Variants in GPR158 observed in about 807,000 individuals in gnomAD.
The protein encoded by GPR158 is G protein-coupled receptor 158.
In GPR158, 30 loss-of-function variants were observed where a neutral mutation model predicts 78.2. The ratio of observed to expected loss-of-function variants is 0.38; its 90% CI spans 0.29 to 0.52. GPR158 has a LOEUF of 0.52. Ranked by LOEUF, GPR158 falls within the 20% of genes least tolerant of loss-of-function variation. The pLI is 0.83. For synonymous variants in GPR158, 581 were observed against 591.1 expected (o/e 0.98, Z 0.25); for missense variants, 1,463 against 1,523.5 (o/e 0.96, Z 0.66).
chr10:25,365,717 G>C (rs1470030351), intron 2 of GPR158, among the ~76,000 whole-genome samples: 1 of 151,586 alleles, frequency 6.6e-6, no homozygotes, highest in African/African-American at 2.4e-5. Context: ...CCTTTGGAGG[G>C]ATAGTATGGC....
intron 5 of GPR158, among the ~76,000 whole-genome samples, chr10:25,540,492 C>T (rs1265484238): frequency 2.0e-5 from 3 of 152,130 alleles, no homozygotes; most frequent in Non-Finnish European, 4.4e-5. Context: ...CACATGCATA[C>T]GTATGTTTAT....
intron 6 of GPR158, among the ~76,000 whole-genome samples, chr10:25,562,330 C>T (rs1836870800): frequency 6.6e-6 from 1 of 151,930 alleles, no homozygotes; most frequent in Non-Finnish European, 1.5e-5. Flanking sequence ...TATTTTCTCC[C>T]TTCAGCTTGT....
At chr10:25,413,886 A>C (rs2130551166) in intron 4 of GPR158, among the ~76,000 whole-genome samples, 1 of 152,280 alleles carries the variant, frequency 6.6e-6, no homozygotes, top group East Asian at 1.9e-4. Flanking sequence ...TTTAACCAAT[A>C]CTTATCTTTC....
chr10:25,444,560 G>A (rs1835114269), intron 4 of GPR158, among the ~76,000 whole-genome samples: 1 of 151,138 alleles, frequency 6.6e-6, no homozygotes, highest in Non-Finnish European at 1.5e-5. Flanking sequence ...GTGGAGGTAT[G>A]TGCATTTGTG....
intron 2 of GPR158, among the ~76,000 whole-genome samples, chr10:25,368,844 C>A (rs975591994): frequency 2.1e-5 from 3 of 144,150 alleles, no homozygotes; most frequent in East Asian, 3.9e-4. Context: ...CTTTTATTTC[C>A]TTGAGCAGTG....
intron 4 of GPR158, among the ~76,000 whole-genome samples, chr10:25,429,533 T>C (rs1042956603): frequency 6.6e-6 from 1 of 152,124 alleles, no homozygotes; most frequent in Non-Finnish European, 1.5e-5. Context: ...AAAACTTCTT[T>C]TGTTAGGGAT....
intron 2 of GPR158, among the ~76,000 whole-genome samples, chr10:25,257,948 C>T (rs1344831278): frequency 6.6e-6 from 1 of 152,162 alleles, no homozygotes; most frequent in Admixed American, 6.5e-5. Context: ...TTCTTATGTG[C>T]ATCCTGACTC....
chr10:25,287,936 A>G (rs929965382), intron 2 of GPR158, among the ~76,000 whole-genome samples: 1 of 151,888 alleles, frequency 6.6e-6, no homozygotes. Context: ...ATATATATGC[A>G]TGGAATACAT....
rs1853357002 is a variant in GPR158, at chr10:25,225,182, C to CGTTTTT, written c.1008+4025_1008+4026insGTTTTT. Reference sequence around the variant, plus strand: ...CAGATCAGCAGATTTGGAACATTTGCCTTTTTTTTTTTTTTTGTATAAAGC... The same window carrying CGTTTTT: ...CAGATCAGCAGATTTGGAACATTTGCGTTTTTCTTTTTTTTTTTTTTTGTATAAAGC... On this transcript the variant is annotated intron_variant, in intron 2 of 10. Transcript: ENST00000376351. Among the ~76,000 whole-genome samples the CGTTTTT allele has an allele frequency of 3.3e-5, 4 of 121,572 alleles. No homozygotes were observed. In the East Asian group the frequency reaches 9.8e-4, roughly 30 times the overall value. 79.8% of individuals were successfully genotyped at this position (121,572 alleles called of 152,430 possible). A position where few individuals can be genotyped will look rare whatever the true frequency, so the allele number is the denominator to read the frequency against.
At chr10:25,372,186 A>G (rs1471603560) in intron 2 of GPR158, among the ~76,000 whole-genome samples, 9 of 151,968 alleles carry the variant, frequency 5.9e-5, no homozygotes, top group South Asian at 2.1e-4. Flanking sequence ...TAGAATGGCA[A>G]TCATTAAAAA....
At chr10:25,193,031 G>T (rs189463253) in intron 1 of GPR158, among the ~76,000 whole-genome samples, 7 of 152,172 alleles carry the variant, frequency 4.6e-5, no homozygotes, top group South Asian at 4.2e-4. Context: ...TTCAATTTAC[G>T]TATTTTCAAC....
intron 2 of GPR158, among the ~76,000 whole-genome samples, chr10:25,370,218 T>A (rs1438372562): frequency 2.1e-5 from 3 of 143,170 alleles, no homozygotes; most frequent in Non-Finnish European, 4.6e-5. Flanking sequence ...AGCTTTTGAA[T>A]GTGTTTGCTC....
At position 25,175,777 on chromosome 10, in the gene GPR158, C is replaced by A. The variant is rs761679425; in HGVS notation, c.357C>A (p.His119Gln). Reference sequence around the variant, plus strand: ...AGTGGCCAGCCCTGGCCAGCGCGCACCCCTCCTTGCACCGGGCGCTGGACA... The same window carrying A: ...AGTGGCCAGCCCTGGCCAGCGCGCAACCCTCCTTGCACCGGGCGCTGGACA... ...PGKWPALASA[H>Q]PSLHRALDTL... Residue 119 changes from histidine to glutamine, a missense_variant, in exon 1 of 11, where the codon CAC becomes CAA. Coordinates refer to ENST00000376351, the MANE Select transcript of GPR158 (RefSeq NM_020752.3). The surrounding 1 kb of genome is among the most constrained non-coding windows in gnomAD (Gnocchi z 6.4). 1.9e-6 allele frequency: 3 copies of A among 1,611,312 alleles called. No homozygotes were observed. The highest frequency in any genetic ancestry group is 8.5e-7 in the Non-Finnish European group (1 of 1,179,948).
At chr10:25,228,867 T>TAA (rs199962512) in intron 2 of GPR158, among the ~76,000 whole-genome samples, 2 of 150,208 alleles carry the variant, frequency 1.3e-5, no homozygotes, top group South Asian at 2.1e-4. Flanking sequence ...CCGTCTCTAC[T>TAA]AAAAAAAAAT....
chr10:25,503,115 G>T (rs78865904), intron 5 of GPR158, among the ~76,000 whole-genome samples: 2 of 151,944 alleles, frequency 1.3e-5, no homozygotes, highest in African/African-American at 4.8e-5. Context: ...AGTGGCTCAT[G>T]CCTGTAATCC....
At chr10:25,469,783 CAA>C (rs34432893) in intron 5 of GPR158, among the ~76,000 whole-genome samples, 2,256 of 47,090 alleles carry the variant, frequency 0.048, 20 homozygotes, top group African/African-American at 0.13. Flanking sequence ...GACTCCATCT[CAA>C]AAAAAAAAAA....
intron 2 of GPR158, among the ~76,000 whole-genome samples, chr10:25,240,170 AT>A (rs139567714): frequency 0.018 from 2,681 of 152,316 alleles, 63 homozygotes; most frequent in African/African-American, 0.052. Context: ...GTTCAAATGA[AT>A]TTGGCACCAT....
chr10:25,338,584 C>T (rs1564426393), intron 2 of GPR158, among the ~76,000 whole-genome samples: 3 of 145,356 alleles, frequency 2.1e-5, no homozygotes, highest in Non-Finnish European at 4.5e-5. Flanking sequence ...ATATATAATA[C>T]ATATTATATA....
intron 3 of GPR158, among the ~76,000 whole-genome samples, chr10:25,410,676 T>C (rs1834571283): frequency 6.6e-6 from 1 of 152,146 alleles, no homozygotes; most frequent in Non-Finnish European, 1.5e-5. Context: ...GTTTCATAAA[T>C]AAGTAAACTA....
Sources: gnomAD v4.1 joint callset for allele counts (sites outside exome capture counted in the v4.1 genomes callset) on GRCh38, gnomAD v4.1.1 for gene constraint, Gnocchi (gnomAD v3.1) non-coding constraint, MANE v1.5 for transcripts, NCBI Gene and HGNC (gene_info 2026-07-23, HGNC 2026-07-21) for gene names.